Variants in USP34 observed in about 807,000 individuals in gnomAD.
USP34 encodes the protein ubiquitin specific peptidase 34.
A neutral mutation model predicts 460.3 loss-of-function variants in USP34; 70 were observed. That is an observed-to-expected ratio of 0.15 (90% CI 0.13 to 0.19). USP34 has a LOEUF of 0.19. Among genes scored for constraint, USP34 ranks in the 10% least tolerant of loss-of-function variants. The pLI is 1.00. For synonymous variants in USP34, 1,647 were observed against 1,405.3 expected (o/e 1.17, Z -3.85); for missense variants, 3,985 against 4,236.2 (o/e 0.94, Z 1.65).
chr2:61,450,560 G>C (rs1419307450), intron 1 of USP34, among the ~76,000 whole-genome samples: 2 of 152,042 alleles, frequency 1.3e-5, no homozygotes, highest in Admixed American at 6.6e-5. Flanking sequence ...GCAGGAGTTT[G>C]AGACCAGCCC....
At chr2:61,369,642 C>CAAAAAAAAAAAAAAA (rs57947331) in intron 10 of USP34, among the ~76,000 whole-genome samples, 1 of 43,428 alleles carries the variant, frequency 2.3e-5, no homozygotes. Flanking sequence ...GATTCCGTCT[C>CAAAAAAAAAAAAAAA]AAAAAAAAAA....
chr2:61,396,143 CT>C (rs1693517509), intron 3 of USP34, among the ~76,000 whole-genome samples: 1 of 151,090 alleles, frequency 6.6e-6, no homozygotes. Context: ...TGAAAAGTTT[CT>C]CAACAAACTT....
chr2:61,423,990 G>A (rs116739258), intron 1 of USP34, among the ~76,000 whole-genome samples: 2,644 of 152,170 alleles, frequency 0.017, 24 homozygotes, highest in Middle Eastern at 0.048. Flanking sequence ...TAAAATAAAT[G>A]TTCACAAGTT....
chr2:61,299,327 T>A (rs1356747156), intron 29 of USP34, among the ~76,000 whole-genome samples: 4 of 152,172 alleles, frequency 2.6e-5, no homozygotes, highest in African/African-American at 9.7e-5. Context: ...ATCTCAAAAT[T>A]GTGATTCACT....
At chr2:61,352,056 T>A (rs1009065062) in intron 10 of USP34, among the ~76,000 whole-genome samples, 14 of 152,320 alleles carry the variant, frequency 9.2e-5, no homozygotes, top group African/African-American at 3.4e-4. Context: ...TTTTCCACAC[T>A]TTGGAGTATC....
chr2:61,248,692 C>A lies in USP34; in HGVS notation c.6222-9G>T, dbSNP rs774277908. ...ATTTCTTAAAACATGCCCTGAGAGACAAGAAAAAAATTAATAAAGATTATT... is the reference window on the plus strand; with the variant it reads ...ATTTCTTAAAACATGCCCTGAGAGAAAAGAAAAAAATTAATAAAGATTATT... On this transcript the variant is annotated splice_polypyrimidine_tract_variant and intron_variant, in intron 48 of 79. Coordinates refer to ENST00000398571, the MANE Select transcript of USP34 (RefSeq NM_014709.4). The A allele has an allele frequency of 8.5e-6, 13 of 1,535,354 alleles. No individual in the cohort carries two copies. Among genetic ancestry groups the A allele is most frequent in the East Asian group, 4.6e-5 (2 of 43,360 alleles).
chr2:61,201,149 G>A (rs994415225), intron 75 of USP34, among the ~76,000 whole-genome samples: 5 of 150,792 alleles, frequency 3.3e-5, no homozygotes, highest in Non-Finnish European at 7.4e-5. Context: ...ACTCACAAAT[G>A]ATGGGCTACT....
Position 61,189,009 on chromosome 2 carries a change from G to C in USP34, c.9934C>G (p.Leu3312Val). ...AAAAGCTCTTGCAGAGTTGGAATTA[G>C]AGCTGGGTTTAACTGTTTGGGAGTG... is the stretch of plus-strand genomic sequence containing the variant. ...VHTPKQLNPA[L>V]IPTLQELLSK... The change falls in exon 79 of 80, where the codon CTA becomes GTA. Residue 3312 changes from leucine to valine, a missense_variant. Leu to Val is a conservative substitution (Grantham distance 32, BLOSUM62 1). Transcript: ENST00000398571. 1 of 1,614,220 alleles carries C rather than the reference G, an allele frequency of 6.2e-7. No individual in the cohort carries two copies. Among genetic ancestry groups the C allele is most frequent in the Non-Finnish European group, 8.5e-7 (1 of 1,180,046 alleles).
intron 75 of USP34, among the ~76,000 whole-genome samples, chr2:61,196,870 A>G (rs1180895032): frequency 1.3e-5 from 2 of 152,138 alleles, no homozygotes; most frequent in Non-Finnish European, 2.9e-5. Flanking sequence ...TTCCACAACT[A>G]CCAAGAAGCC....
At chr2:61,216,690 G>A (rs534398490) in intron 67 of USP34, among the ~76,000 whole-genome samples, 12 of 152,002 alleles carry the variant, frequency 7.9e-5, no homozygotes, top group East Asian at 7.7e-4. Flanking sequence ...AGGCCAAGGC[G>A]GGCAGATCAT....
intron 37 of USP34, 76 bp from the exon 38 acceptor site, chr2:61,281,318 G>A: frequency 6.7e-7 from 1 of 1,493,736 alleles, no homozygotes; most frequent in East Asian, 2.4e-5. Flanking sequence ...AATAATTTTA[G>A]GTGATTTTAA....
At chr2:61,325,548 A>T in intron 20 of USP34, 91 bp from the exon 21 acceptor site, 1 of 677,216 alleles carries the variant, frequency 1.5e-6, no homozygotes, top group Non-Finnish European at 2.2e-6. Flanking sequence ...TTATACCAAA[A>T]ATTGTTTTAA....
At chr2:61,452,540 G>C (rs1695314996) in intron 1 of USP34, among the ~76,000 whole-genome samples, 2 of 151,696 alleles carry the variant, frequency 1.3e-5, no homozygotes, top group African/African-American at 4.8e-5. Context: ...GGTCAGGCTG[G>C]TCTCCTGACC....
At chr2:61,302,898 T>A (rs1473608570) in intron 27 of USP34, among the ~76,000 whole-genome samples, 2 of 152,200 alleles carry the variant, frequency 1.3e-5, no homozygotes, top group African/African-American at 4.8e-5. Context: ...AGTAATTTCA[T>A]CAAATTTTAA....
At chr2:61,359,453 AT>A (rs1210202437) in intron 10 of USP34, among the ~76,000 whole-genome samples, 8 of 152,358 alleles carry the variant, frequency 5.3e-5, no homozygotes, top group African/African-American at 1.9e-4. Flanking sequence ...AACACATCAA[AT>A]ACTTAAAAGA....
intron 10 of USP34, among the ~76,000 whole-genome samples, chr2:61,360,945 T>A (rs892629628): frequency 6.6e-6 from 1 of 152,178 alleles, no homozygotes; most frequent in African/African-American, 2.4e-5. Context: ...TTAATAGGCG[T>A]GTGCCACCAC....
intron 10 of USP34, among the ~76,000 whole-genome samples, chr2:61,353,950 C>T (rs541244248): frequency 8.6e-5 from 13 of 151,952 alleles, no homozygotes; most frequent in African/African-American, 2.4e-4. Flanking sequence ...TCAGCATACC[C>T]GTAAGTAGGA....
At chr2:61,267,161 C>T (rs952003639) in intron 41 of USP34, among the ~76,000 whole-genome samples, 1 of 152,180 alleles carries the variant, frequency 6.6e-6, no homozygotes. Context: ...CTCCAGACTT[C>T]GCCTTGACAC....
chr2:61,456,025 A>T (rs1457882780), intron 1 of USP34, among the ~76,000 whole-genome samples: 1 of 152,214 alleles, frequency 6.6e-6, no homozygotes, highest in African/African-American at 2.4e-5. Flanking sequence ...ACCTTCCTTA[A>T]GAGAAAATAC....
Sources: gnomAD v4.1 joint callset for allele counts (sites outside exome capture counted in the v4.1 genomes callset) on GRCh38, gnomAD v4.1.1 for gene constraint, MANE v1.5 for transcripts, NCBI Gene and HGNC (gene_info 2026-07-23, HGNC 2026-07-21) for gene names.